The following TLN2 variants were observed in gnomAD, a reference collection of about 807,000 sequenced individuals.
The protein encoded by TLN2 is talin 2.
In TLN2, 118 loss-of-function variants were observed where a neutral mutation model predicts 294.7. The ratio of observed to expected loss-of-function variants is 0.40; its 90% CI spans 0.34 to 0.47. The LOEUF (loss-of-function observed/expected upper bound fraction) is 0.47, where lower values mean the gene tolerates loss of function less well. Among genes scored for constraint, TLN2 ranks in the 20% least tolerant of loss-of-function variants. The probability of loss-of-function intolerance (pLI) is 0.84; values close to 1 mark genes in which losing one functional copy is unlikely to be tolerated. For missense variants in TLN2, 3,083 were observed against 3,282.2 expected (o/e 0.94, Z 1.48); for synonymous variants, 1,431 against 1,304.5 (o/e 1.10, Z -2.09).
intron 1 of TLN2, among the ~76,000 whole-genome samples, chr15:62,405,771 G>A (rs2033358878): frequency 6.6e-6 from 1 of 152,198 alleles, no homozygotes; most frequent in African/African-American, 2.4e-5. Context: ...GAGTAGAAGG[G>A]TACAAGCTGG....
chr15:62,634,589 A>C (rs1391719027), intron 3 of TLN2, among the ~76,000 whole-genome samples: 1 of 152,266 alleles, frequency 6.6e-6, no homozygotes, highest in Non-Finnish European at 1.5e-5. Context: ...GTACGTGTCC[A>C]GGCTGCAATT....
At chr15:62,459,523 G>A (rs930713364) in intron 1 of TLN2, among the ~76,000 whole-genome samples, 2 of 152,130 alleles carry the variant, frequency 1.3e-5, no homozygotes, top group Non-Finnish European at 2.9e-5. Flanking sequence ...AGTTTGAATA[G>A]GAAAGTGTGT....
rs1028782331 is a variant in TLN2 at position 62,735,624 on chromosome 15, T to A, written c.3359-1254T>A. 2.0e-5 allele frequency among the ~76,000 whole-genome samples: 3 copies of A among 152,344 alleles called. No homozygotes were observed. The East Asian group carries it at 5.8e-4, about 29-fold the overall frequency. On this transcript the variant is annotated intron_variant, in intron 28 of 58. Transcript: ENST00000636159. ...TAGAGCAACTGCAGTTCTTACAGAT[T>A]GCCAGTGGAATGTGTAATGGTAAAG...
In TLN2 at chr15:62,647,279, T is replaced by C. The variant is rs770083711; in HGVS notation, c.-32T>C. The stretch of plus-strand genomic sequence containing the variant: ...TTGTCTCTTTGTGTTTTCCAGACAT[T>C]CTAAGTGAGACTGTCCACATCATCT... On this transcript the variant is annotated 5_prime_UTR_variant, in exon 4 of 59. Coordinates refer to ENST00000636159, the MANE Select transcript of TLN2 (RefSeq NM_015059.3). 5 of 1,603,390 alleles carry C rather than the reference T, an allele frequency of 3.1e-6. No individual in the cohort carries two copies. The South Asian group carries it at 5.6e-5, about 18-fold the overall frequency.
intron 43 of TLN2, among the ~76,000 whole-genome samples, chr15:62,777,530 CA>C (rs5813171): frequency 1.2e-3 from 163 of 135,466 alleles, no homozygotes; most frequent in South Asian, 3.7e-3. Context: ...GCGAAACTCT[CA>C]AAAAAAAAAA....
At chr15:62,729,576 A>G (rs185355453) in intron 28 of TLN2, among the ~76,000 whole-genome samples, 6 of 152,290 alleles carry the variant, frequency 3.9e-5, no homozygotes, top group Middle Eastern at 3.4e-3. Flanking sequence ...TAATGTGTGC[A>G]TGACATACCT....
Position 62,552,986 on chromosome 15 carries a change from A to T in TLN2, c.-237-36701A>T, listed in dbSNP as rs540308834. On this transcript the variant is annotated intron_variant, in intron 1 of 58. Coordinates refer to ENST00000636159, the MANE Select transcript of TLN2 (RefSeq NM_015059.3). The stretch of plus-strand genomic sequence containing the variant: ...TATGTCAGAAGCCTGCATTTTAAGG[A>T]TCTCACGTGATATGTGATTAAACAA... Among the ~76,000 whole-genome samples, 4 of 152,334 alleles carry T rather than the reference A, an allele frequency of 2.6e-5. No homozygotes were observed. In the South Asian group the frequency reaches 8.3e-4, roughly 32 times the overall value.
intron 1 of TLN2, among the ~76,000 whole-genome samples, chr15:62,533,723 C>T (rs1403792226): frequency 6.6e-6 from 1 of 152,164 alleles, no homozygotes; most frequent in African/African-American, 2.4e-5. Flanking sequence ...TTGGTGTTAG[C>T]AGATGCTAGG....
At chr15:62,790,799 A>G (rs564316841) in intron 45 of TLN2, among the ~76,000 whole-genome samples, 1 of 152,358 alleles carries the variant, frequency 6.6e-6, no homozygotes, top group African/African-American at 2.4e-5. Flanking sequence ...GCAAACACAT[A>G]TATTTAAATG....
intron 1 of TLN2, among the ~76,000 whole-genome samples, chr15:62,496,957 G>A (rs1369904657): frequency 6.6e-6 from 1 of 152,108 alleles, no homozygotes; most frequent in Non-Finnish European, 1.5e-5. Context: ...TCTGCTCCTG[G>A]TGATGGTAAG....
rs767177524 is a variant in TLN2 at position 62,725,022 on chromosome 15, C to T, written c.3173C>T (p.Thr1058Met). The T allele has an allele frequency of 2.0e-5, 32 of 1,613,228 alleles. No individual in the cohort carries two copies. The highest frequency in any genetic ancestry group is 8.9e-5 in the East Asian group (4 of 44,880). The change falls in exon 27 of 59, where the codon ACG becomes ATG. Residue 1058 changes from threonine to methionine, a missense_variant. By Grantham distance (81) the Thr-to-Met change is moderately conservative. Transcript: ENST00000636159. ...GPMEIDSALN[T>M]VQTLKNELQD... ...ATGGAAATCGATTCAGCTCTGAATA[C>T]GGTGCAGACGCTTAAGAATGAACTG...
chr15:62,516,415 A>C (rs887815675), intron 1 of TLN2, among the ~76,000 whole-genome samples: 3 of 152,190 alleles, frequency 2.0e-5, no homozygotes, highest in East Asian at 3.8e-4. Context: ...CACATTATGC[A>C]GTTAGGAGTT....
At chr15:62,616,022 T>G (rs2048289874) in intron 2 of TLN2, among the ~76,000 whole-genome samples, 2 of 152,374 alleles carry the variant, frequency 1.3e-5, no homozygotes, top group East Asian at 3.9e-4. Flanking sequence ...CTAACAGTTT[T>G]GTATCATGAT....
intron 1 of TLN2, among the ~76,000 whole-genome samples, chr15:62,469,080 C>T (rs910620849): frequency 2.6e-4 from 40 of 152,160 alleles, no homozygotes; most frequent in Non-Finnish European, 5.6e-4. Flanking sequence ...GGGGGTTTTT[C>T]TTTGTCTTTT....
At chr15:62,598,370 A>C (rs1052943245) in intron 2 of TLN2, among the ~76,000 whole-genome samples, 7 of 152,152 alleles carry the variant, frequency 4.6e-5, no homozygotes, top group Non-Finnish European at 8.8e-5. Context: ...TTACCCCAGA[A>C]AATCGCTGCT....
At chr15:62,792,588 G>C in intron 45 of TLN2, 53 bp from the exon 46 acceptor site, 1 of 1,588,772 alleles carries the variant, frequency 6.3e-7, no homozygotes, top group Admixed American at 1.8e-5. Flanking sequence ...GGAAGGCCTC[G>C]ATGGCAGAGT....
intron 1 of TLN2, among the ~76,000 whole-genome samples, chr15:62,498,511 G>T (rs891584357): frequency 4.6e-5 from 7 of 152,128 alleles, no homozygotes; most frequent in African/African-American, 1.4e-4. Flanking sequence ...AAAGTATCTG[G>T]ATTTCCTAGA....
Position 62,749,945 on chromosome 15 carries a change from T to C in TLN2, c.4120-457T>C, listed in dbSNP as rs977990891. Among the ~76,000 whole-genome samples the C allele has an allele frequency of 4.6e-5, 7 of 152,350 alleles. 1 individual carries two copies. Among genetic ancestry groups the C allele is most frequent in the Non-Finnish European group, 5.9e-5 (4 of 68,020 alleles). On this transcript the variant is annotated intron_variant, in intron 33 of 58. Transcript: ENST00000636159. ...AGTTTGGGGGAATTACCTTCTTTCATGCCTTCCTATTAAAATGTTCCAAAA... is the reference window on the plus strand; with the variant it reads ...AGTTTGGGGGAATTACCTTCTTTCACGCCTTCCTATTAAAATGTTCCAAAA...
At chr15:62,528,670 CTTTTTTTTTT>C (rs3055755) in intron 1 of TLN2, among the ~76,000 whole-genome samples, 2 of 96,776 alleles carry the variant, frequency 2.1e-5, no homozygotes, top group African/African-American at 4.3e-5. Flanking sequence ...CCAGAGCTTG[CTTTTTTTTTT>C]TTTTTTTTTT....
Sources: allele counts gnomAD v4.1 joint callset (sites outside exome capture counted in the v4.1 genomes callset), GRCh38; gene constraint gnomAD v4.1.1; transcripts MANE v1.5; gene names NCBI Gene and HGNC (gene_info 2026-07-23, HGNC 2026-07-21).